JMJD1C: variants seen among roughly 807,000 people sequenced by gnomAD.
The protein encoded by JMJD1C is jumonji domain-containing protein 1C.
JMJD1C carries 31 observed loss-of-function variants against 245.3 expected under a neutral mutation model. The observed-to-expected ratio is 0.13, with a 90% CI of 0.09 to 0.17. The LOEUF (loss-of-function observed/expected upper bound fraction) is 0.17. Among genes scored for constraint, JMJD1C ranks in the 10% least tolerant of loss-of-function variants. The pLI, the probability that JMJD1C is intolerant of heterozygous loss-of-function variation, is 1.00. For missense variants in JMJD1C, 2,691 were observed against 3,000.2 expected (o/e 0.90, Z 2.41); for synonymous variants, 1,057 against 1,017.4 (o/e 1.04, Z -0.74).
intron 3 of JMJD1C, among the ~76,000 whole-genome samples, chr10:63,257,419 A>G (rs1026670360): frequency 6.6e-6 from 1 of 152,100 alleles, no homozygotes; most frequent in African/African-American, 2.4e-5. Flanking sequence ...TAAAGACTAA[A>G]ATAATTAGGG....
rs764500799 is a variant in JMJD1C at position 63,214,177 on chromosome 10, T to C, written c.1990A>G (p.Asn664Asp). The C allele has an allele frequency of 6.2e-7, 1 of 1,614,162 alleles. No individual in the cohort carries two copies. The highest frequency in any genetic ancestry group is 1.1e-5 in the South Asian group (1 of 91,080). Residue 664 changes from asparagine to aspartate, a missense_variant, in exon 8 of 26, where the codon AAC becomes GAC. Physicochemically the swap from Asn to Asp is conservative, Grantham distance 23. Coordinates refer to ENST00000399262, the MANE Select transcript of JMJD1C (RefSeq NM_032776.3). ...CTTCTTTCACCAGTAGCTTGGCTGT[T>C]CACATAAGTGGCCTTAGACTTTACA... ...DSVKSKATYVNSQATGERRLA... is the reference protein window; with the variant it reads ...DSVKSKATYVDSQATGERRLA...
chr10:63,321,437 T>C (rs925189990), intron 2 of JMJD1C, among the ~76,000 whole-genome samples: 7 of 152,176 alleles, frequency 4.6e-5, no homozygotes, highest in Middle Eastern at 3.2e-3. Context: ...ACGCTAGCTG[T>C]AGGTAGACAG....
intron 2 of JMJD1C, among the ~76,000 whole-genome samples, chr10:63,303,253 G>C (rs576196547): frequency 2.0e-5 from 3 of 152,140 alleles, no homozygotes; most frequent in Non-Finnish European, 2.9e-5. Context: ...CTCATTGAGG[G>C]AAGAGAGGCA....
In JMJD1C at chr10:63,213,743, T is replaced by A. The variant is rs769904055; in HGVS notation, c.2424A>T (p.Leu808Phe). The A allele has an allele frequency of 6.2e-7, 1 of 1,614,050 alleles. No individual in the cohort carries two copies. ...TVLPGVPTASLLGGHPRLESA... is the reference protein window; with the variant it reads ...TVLPGVPTASFLGGHPRLESA... ...TCTCTAGTCGTGGGTGGCCACCAAG[T>A]AAGGAGGCAGTAGGCACTCCAGGTA... The change falls in exon 8 of 26, where the codon TTA becomes TTT. Residue 808 changes from leucine (L) to phenylalanine (F), a missense_variant. Around this residue, in one of 9 missense-constraint regions of JMJD1C, gnomAD observed 1,562 missense variants for 1,490.7 expected, o/e 1.05. Coordinates refer to ENST00000399262, the MANE Select transcript of JMJD1C (RefSeq NM_032776.3).
At chr10:63,386,676 A>G (rs1947621032) in intron 1 of JMJD1C, among the ~76,000 whole-genome samples, 1 of 152,188 alleles carries the variant, frequency 6.6e-6, no homozygotes, top group African/African-American at 2.4e-5. Flanking sequence ...CTGGAGACTG[A>G]TTTAGTCAGC....
rs1249304012 is a variant in JMJD1C, at chr10:63,189,396, A to T, written c.6342T>A (p.Ala2114=). The T allele has an allele frequency of 6.2e-7, 1 of 1,613,754 alleles. No individual in the cohort carries two copies. Among genetic ancestry groups the T allele is most frequent in the Non-Finnish European group, 8.5e-7 (1 of 1,179,866 alleles). Residue 2114 remains alanine (A), a synonymous_variant, in exon 18 of 26, where the codon GCT becomes GCA. Coordinates refer to ENST00000399262, the MANE Select transcript of JMJD1C (RefSeq NM_032776.3). ...GTGGAATTTTGTTTTCAACAACTGA[A>T]GCAATTATGTCATCAAGAATGTTAG... ...TMPNILDDII[A]SVVENKIPPS...
In JMJD1C at chr10:63,176,372, T is replaced by G; in HGVS notation, c.7326A>C (p.Glu2442Asp). ...NKKLRQRLLE[E>D]YGVRTCTLIQ... ...TAAGAGTACAGGTTCTGACTCCATA[T>G]TCTTCAAGCAGCCTTTGACGGAGCT... The change falls in exon 24 of 26, where the codon GAA becomes GAC. Residue 2442 changes from glutamate to aspartate, a missense_variant. Physicochemically the swap from Glu to Asp is conservative, Grantham distance 45 (BLOSUM62 2). Around this residue, in one of 9 missense-constraint regions of JMJD1C, gnomAD observed 232 missense variants for 416.1 expected, o/e 0.56. Coordinates refer to ENST00000399262, the MANE Select transcript of JMJD1C (RefSeq NM_032776.3). The G allele has an allele frequency of 1.2e-6, 2 of 1,614,078 alleles. No homozygotes were observed. Among genetic ancestry groups the G allele is most frequent in the Non-Finnish European group, 1.7e-6 (2 of 1,179,956 alleles).
chr10:63,460,109 A>AAAATC (rs761432965), intron 1 of JMJD1C, among the ~76,000 whole-genome samples: 2 of 152,238 alleles, frequency 1.3e-5, no homozygotes, highest in Non-Finnish European at 2.9e-5. Context: ...TTAGCTTAGA[A>AAAATC]AAATCATGGC....
At chr10:63,384,713 G>C (rs116618484) in intron 1 of JMJD1C, among the ~76,000 whole-genome samples, 79 of 152,294 alleles carry the variant, frequency 5.2e-4, no homozygotes, top group African/African-American at 1.9e-3. Flanking sequence ...TTATGGAATG[G>C]TCAATGAGCA....
chr10:63,288,755 T>C (rs1858277502), intron 2 of JMJD1C, among the ~76,000 whole-genome samples: 1 of 152,020 alleles, frequency 6.6e-6, no homozygotes, highest in African/African-American at 2.4e-5. Context: ...GGCACATGCC[T>C]GTAATCCCAG....
chr10:63,388,269 A>G (rs1947786056), intron 1 of JMJD1C, among the ~76,000 whole-genome samples: 1 of 152,082 alleles, frequency 6.6e-6, no homozygotes, highest in Admixed American at 6.6e-5. Context: ...ATGAACCCCA[A>G]TCAGACTAAC....
intron 2 of JMJD1C, among the ~76,000 whole-genome samples, chr10:63,322,622 GA>G (rs2134116579): frequency 6.6e-6 from 1 of 152,078 alleles, no homozygotes; most frequent in South Asian, 2.1e-4. Context: ...AGACCAGCCT[GA>G]CCAACATGGT....
At chr10:63,283,367 CTTTT>C (rs34629226) in intron 2 of JMJD1C, among the ~76,000 whole-genome samples, 2 of 122,536 alleles carry the variant, frequency 1.6e-5, no homozygotes, top group Non-Finnish European at 3.6e-5. Flanking sequence ...CTTTCTGAGC[CTTTT>C]TTTTTTTTTT....
chr10:63,268,232 C>A (rs1174439382), intron 2 of JMJD1C, among the ~76,000 whole-genome samples: 2 of 130,182 alleles, frequency 1.5e-5, no homozygotes, highest in African/African-American at 2.9e-5. Flanking sequence ...TTTAGTCTAC[C>A]AAAAAAAAAA....
chr10:63,217,427 A>G (rs1848121067), intron 4 of JMJD1C, 96 bp from the exon 5 acceptor site: 2 of 926,848 alleles, frequency 2.2e-6, no homozygotes, highest in South Asian at 4.3e-5. Context: ...GTATAATAGT[A>G]ATATATCCAA....
chr10:63,410,773 A>G (rs994824737), intron 1 of JMJD1C, among the ~76,000 whole-genome samples: 22 of 152,260 alleles, frequency 1.4e-4, no homozygotes, highest in African/African-American at 4.8e-4. Context: ...GTTCCAAATT[A>G]CTTCTTTCTA....
intron 3 of JMJD1C, among the ~76,000 whole-genome samples, chr10:63,254,274 A>G (rs1265918540): frequency 6.6e-6 from 1 of 152,222 alleles, no homozygotes; most frequent in East Asian, 1.9e-4. Context: ...CTTAATATGG[A>G]TTACCTGCCG....
chr10:63,196,560 A>G (rs956215445), intron 13 of JMJD1C, among the ~76,000 whole-genome samples: 3 of 152,192 alleles, frequency 2.0e-5, no homozygotes, highest in Admixed American at 2.0e-4. Context: ...GAAGATACTG[A>G]TGGTTAAATC....
rs573188327 is a variant in JMJD1C at position 63,383,446 on chromosome 10, CCCA to C, written c.169-2967_169-2965del. The stretch of plus-strand genomic sequence containing the variant: ...TTAAGGGTACCTCCTTGCCTGTAAT[CCCA>C]CCACTTTGGGAGACACAGGTGGGAG... On this transcript the variant is annotated intron_variant, in intron 1 of 25. Transcript: ENST00000399262. 1.6e-3 allele frequency among the ~76,000 whole-genome samples: 245 copies of C among 152,270 alleles called. 1 individual carries two copies. In the Middle Eastern group the frequency reaches 0.017, roughly 11 times the overall value.
Sources: gnomAD v4.1 joint callset for allele counts (sites outside exome capture counted in the v4.1 genomes callset) on GRCh38, gnomAD v4.1.1 for gene constraint, gnomAD v4.1.1 regional missense constraint, MANE v1.5 for transcripts, NCBI Gene and HGNC (gene_info 2026-07-23, HGNC 2026-07-21) for gene names.